Variants in HECTD4 observed in about 807,000 individuals in gnomAD.
HECTD4 encodes the protein HECT domain E3 ubiquitin protein ligase 4.
In HECTD4, 114 loss-of-function variants were observed where a neutral mutation model predicts 471.5. The ratio of observed to expected loss-of-function variants is 0.24; its 90% CI spans 0.21 to 0.28. The LOEUF (loss-of-function observed/expected upper bound fraction) is 0.28, where lower values mean the gene tolerates loss of function less well. Among genes scored for constraint, HECTD4 ranks in the 10% least tolerant of loss-of-function variants. The pLI, the probability that HECTD4 is intolerant of heterozygous loss-of-function variation, is 1.00. For synonymous variants in HECTD4, 2,012 were observed against 2,256.0 expected (o/e 0.89, Z 3.07); for missense variants, 3,866 against 5,651.5 (o/e 0.68, Z 10.13).
chr12:112,169,943 C>T, intron 69 of HECTD4: 1 of 569,122 alleles, frequency 1.8e-6, no homozygotes, highest in South Asian at 2.0e-5. Flanking sequence ...CGCCCCCCAA[C>T]TCCTCTCTCG....
At chr12:112,220,631 T>C (rs1334632294) in intron 44 of HECTD4, among the ~76,000 whole-genome samples, 1 of 151,778 alleles carries the variant, frequency 6.6e-6, no homozygotes, top group Non-Finnish European at 1.5e-5. Flanking sequence ...CCACCATGTC[T>C]ACAAAAAATA....
chr12:112,184,171 G>A lies in HECTD4; in HGVS notation c.10779+16C>T. On this transcript the variant is annotated intron_variant, in intron 61 of 75. Coordinates refer to ENST00000682272, the MANE Select transcript of HECTD4 (RefSeq NM_001388303.1). The surrounding 1 kb of genome is among the most constrained non-coding windows in gnomAD (Gnocchi z 9.1). Reference sequence around the variant, plus strand: ...GGGTCATGATTTAGTGGTTGCAGAGGCTTGAAAGCTGTTACCTCCACGACT... The same window carrying A: ...GGGTCATGATTTAGTGGTTGCAGAGACTTGAAAGCTGTTACCTCCACGACT... 2 of 1,587,948 alleles carry A rather than the reference G, an allele frequency of 1.3e-6. No homozygotes were observed. The highest frequency in any genetic ancestry group is 1.7e-5 in the Admixed American group (1 of 58,478).
intron 27 of HECTD4, among the ~76,000 whole-genome samples, chr12:112,247,764 A>AT (rs1195522685): frequency 6.6e-6 from 1 of 152,208 alleles, no homozygotes; most frequent in East Asian, 1.9e-4. Context: ...AATTTTGCCT[A>AT]TTTTTTGTTT....
chr12:112,241,875 A>G (rs2033648605), intron 32 of HECTD4, among the ~76,000 whole-genome samples: 1 of 152,032 alleles, frequency 6.6e-6, no homozygotes, highest in African/African-American at 2.4e-5. Flanking sequence ...AGATTTCTCA[A>G]GATACTCACT....
chr12:112,274,484 T>C (rs370455522), intron 10 of HECTD4, among the ~76,000 whole-genome samples: 22 of 152,170 alleles, frequency 1.4e-4, no homozygotes, highest in Middle Eastern at 3.2e-3. Flanking sequence ...GGCAGGAAGA[T>C]TGCTTGAGCC....
Position 112,308,837 on chromosome 12 carries a change from G to A in HECTD4, c.1080C>T (p.Gly360=). 1.3e-6 allele frequency: 2 copies of A among 1,536,042 alleles called. No homozygotes were observed. Among genetic ancestry groups the A allele is most frequent in the East Asian group, 2.4e-5 (1 of 40,920 alleles). ...CAGGCCGGTGGAGAAGACTGCCGCT[G>A]CCAAAAGCCACCCATCCTGGTTCCA... The part of the protein sequence containing the change: ...EELEPGWVAF[G]SGSLLHRPVS... The change falls in exon 6 of 76, where the codon GGC becomes GGT. Residue 360 remains glycine, a synonymous_variant. Transcript: ENST00000682272.
intron 25 of HECTD4, among the ~76,000 whole-genome samples, chr12:112,249,191 C>A (rs2033824876): frequency 6.6e-6 from 1 of 152,008 alleles, no homozygotes; most frequent in Non-Finnish European, 1.5e-5. Flanking sequence ...CCCGTCTCTA[C>A]TAAAAACACA....
intron 1 of HECTD4, among the ~76,000 whole-genome samples, chr12:112,367,209 G>A (rs2036577921): frequency 6.6e-6 from 1 of 151,360 alleles, no homozygotes; most frequent in South Asian, 2.1e-4. Flanking sequence ...GGCTGAGGCA[G>A]AATCACTTGA....
At chr12:112,252,551 G>T (rs773629415) in intron 22 of HECTD4, 23 bp from the exon 23 acceptor site, 9 of 1,594,122 alleles carry the variant, frequency 5.6e-6, no homozygotes. Context: ...GGAAGGGGGG[G>T]AAATGCACTT....
Position 112,171,397 on chromosome 12 carries a change from C to G in HECTD4, c.11786-134G>C, listed in dbSNP as rs779120325. On this transcript the variant is annotated intron_variant, in intron 67 of 75. Transcript: ENST00000682272. ...TTACCTGGGACCCTGGAGATGCTGTCAGTGAGTGAGCGGCCCCCAATGTGC... is the reference window on the plus strand; with the variant it reads ...TTACCTGGGACCCTGGAGATGCTGTGAGTGAGTGAGCGGCCCCCAATGTGC... 1.3e-5 allele frequency: 19 copies of G among 1,413,942 alleles called. No homozygotes were observed. The South Asian group carries it at 1.5e-4, about 11-fold the overall frequency. 87.6% of individuals were successfully genotyped at this position (1,413,942 alleles called of 1,614,324 possible). A position where few individuals can be genotyped will look rare whatever the true frequency, so the allele number is the denominator to read the frequency against.
intron 52 of HECTD4, among the ~76,000 whole-genome samples, chr12:112,206,854 C>T (rs1421613628): frequency 6.6e-6 from 1 of 151,918 alleles, no homozygotes; most frequent in Non-Finnish European, 1.5e-5. Context: ...GCTTTTTTTA[C>T]ACAAGGCCTA....
intron 66 of HECTD4, among the ~76,000 whole-genome samples, chr12:112,175,214 T>A (rs1297262927): frequency 6.6e-6 from 1 of 152,174 alleles, no homozygotes; most frequent in Non-Finnish European, 1.5e-5. Context: ...TGACTACATT[T>A]GGAGACAGGG....
At chr12:112,247,681 GTAAGTTATTATTTGA>G (rs1250201721) in intron 27 of HECTD4, 131 bp from the exon 28 acceptor site, 1 of 442,574 alleles carries the variant, frequency 2.3e-6, no homozygotes, top group Non-Finnish European at 4.0e-6. Context: ...AAACTCATTT[GTAAGTTATTATTTGA>G]TATTTTAATG....
chr12:112,290,848 C>G (rs1053894767), intron 7 of HECTD4, among the ~76,000 whole-genome samples: 1 of 86,254 alleles, frequency 1.2e-5, no homozygotes, highest in Non-Finnish European at 2.3e-5. Flanking sequence ...AACTCCGTCT[C>G]AAAAAAAAAC....
intron 67 of HECTD4, 75 bp from the exon 68 acceptor site, chr12:112,171,338 A>G (rs1348975797): frequency 3.2e-6 from 5 of 1,541,166 alleles, no homozygotes; most frequent in African/African-American, 2.7e-5. Context: ...CAACACAGGC[A>G]ACCCTATCAC....
Position 112,349,388 on chromosome 12 carries a change from CA to C in HECTD4, c.178-29647del, listed in dbSNP as rs60480485. ...GGGCGACAGAGCAAGACTCTTGCTC[CA>C]AAAAAAAAAAAAAAAAAAAAAAGAA... On this transcript the variant is annotated intron_variant, in intron 1 of 75. Transcript: ENST00000682272. Among the ~76,000 whole-genome samples, 447 of 54,720 alleles carry C rather than the reference CA, an allele frequency of 8.2e-3. 1 individual carries two copies. Among genetic ancestry groups the C allele is most frequent in the African/African-American group, 0.014 (207 of 15,246 alleles). 35.9% of individuals were successfully genotyped at this position (54,720 alleles called of 152,430 possible).
At chr12:112,227,971 A>T in intron 43 of HECTD4, 118 bp downstream of exon 43, 1 of 867,406 alleles carries the variant, frequency 1.2e-6, no homozygotes, top group South Asian at 2.1e-5. Flanking sequence ...TGCTCAGTTT[A>T]GTGTGAGCTT....
rs2036883688 is a variant in HECTD4 at position 112,381,356 on chromosome 12, T to C, written c.177+596A>G. ...GGCCGCTGGAGCATCCCTCTCGCTG[T>C]CCACAGCGCCCGCTTCCCTGACAAA... On this transcript the variant is annotated intron_variant, in intron 1 of 75. Coordinates refer to ENST00000682272, the MANE Select transcript of HECTD4 (RefSeq NM_001388303.1). The surrounding 1 kb of genome is among the most constrained non-coding windows in gnomAD (Gnocchi z 4.1). Among the ~76,000 whole-genome samples the C allele has an allele frequency of 6.6e-6, 1 of 151,842 alleles. No individual in the cohort carries two copies. Among genetic ancestry groups the C allele is most frequent in the African/African-American group, 2.4e-5 (1 of 41,330 alleles).
At chr12:112,367,579 G>A (rs1464292905) in intron 1 of HECTD4, among the ~76,000 whole-genome samples, 1 of 151,750 alleles carries the variant, frequency 6.6e-6, no homozygotes, top group Non-Finnish European at 1.5e-5. Context: ...CAGCACTTTG[G>A]GAGGTGGAGG....
Sources: gnomAD v4.1 joint callset for allele counts (sites outside exome capture counted in the v4.1 genomes callset) on GRCh38, gnomAD v4.1.1 for gene constraint, Gnocchi (gnomAD v3.1) non-coding constraint, MANE v1.5 for transcripts, NCBI Gene and HGNC (gene_info 2026-07-23, HGNC 2026-07-21) for gene names.